Variants in ZBTB16 observed in about 807,000 individuals in gnomAD.
ZBTB16 encodes the protein zinc finger and BTB domain-containing protein 16.
In ZBTB16, 8 loss-of-function variants were observed where a neutral mutation model predicts 56.8. The ratio of observed to expected loss-of-function variants is 0.14; its 90% CI spans 0.08 to 0.25. The LOEUF is 0.25. Among genes scored for constraint, ZBTB16 ranks in the 10% least tolerant of loss-of-function variants. The probability of loss-of-function intolerance (pLI) is 1.00; values close to 1 mark genes in which losing one functional copy is unlikely to be tolerated. For missense variants in ZBTB16, 625 were observed against 903.0 expected, an observed-to-expected ratio of 0.69 and a Z score of 3.95; for synonymous variants, 363 against 368.5, an observed-to-expected ratio of 0.98 and a Z score of 0.17.
At chr11:114,211,124 T>G (rs1591786234) in intron 4 of ZBTB16, among the ~76,000 whole-genome samples, 1 of 152,118 alleles carries the variant, frequency 6.6e-6, no homozygotes, top group East Asian at 1.9e-4. Context: ...GTTTCACCAT[T>G]TTGGCCAGGC....
chr11:114,152,252 G>A (rs1334914624), intron 2 of ZBTB16, among the ~76,000 whole-genome samples: 1 of 152,190 alleles, frequency 6.6e-6, no homozygotes, highest in Non-Finnish European at 1.5e-5. Flanking sequence ...CCATTATGGA[G>A]TTTGCTCTCT....
chr11:114,102,111 G>C (rs1055914843), intron 2 of ZBTB16, among the ~76,000 whole-genome samples: 2 of 152,176 alleles, frequency 1.3e-5, no homozygotes, highest in African/African-American at 4.8e-5. Context: ...TGGTGGTTGG[G>C]ACGTCCTCAT....
At chr11:114,077,097 A>AGGGTTTTGTGTGTT (rs1408766321) in intron 2 of ZBTB16, among the ~76,000 whole-genome samples, 2 of 152,134 alleles carry the variant, frequency 1.3e-5, no homozygotes, top group Non-Finnish European at 1.5e-5. Context: ...GATATGGCCG[A>AGGGTTTTGTGTGTT]GGGTTTTGTG....
intron 2 of ZBTB16, among the ~76,000 whole-genome samples, chr11:114,153,334 A>G (rs1365402285): frequency 1.3e-5 from 2 of 152,222 alleles, no homozygotes; most frequent in Non-Finnish European, 2.9e-5. Flanking sequence ...CAGTGAGGAA[A>G]GACCTTTGCC....
At chr11:114,088,916 G>T (rs1591653829) in intron 2 of ZBTB16, among the ~76,000 whole-genome samples, 1 of 152,284 alleles carries the variant, frequency 6.6e-6, no homozygotes. Context: ...GTGGCCTGGG[G>T]GCCCCCCCAC....
intron 4 of ZBTB16, among the ~76,000 whole-genome samples, chr11:114,212,843 G>A (rs1284146258): frequency 2.0e-5 from 3 of 152,068 alleles, no homozygotes; most frequent in East Asian, 1.9e-4. Flanking sequence ...CCGTGCTCAC[G>A]TGTGCCGGAG....
intron 6 of ZBTB16, among the ~76,000 whole-genome samples, chr11:114,247,575 A>T (rs1337020297): frequency 1.3e-5 from 2 of 152,218 alleles, no homozygotes; most frequent in Non-Finnish European, 2.9e-5. Context: ...CAAGGCAGAC[A>T]TTACTAATCA....
At chr11:114,201,722 A>G (rs1412996674) in intron 4 of ZBTB16, among the ~76,000 whole-genome samples, 1 of 152,226 alleles carries the variant, frequency 6.6e-6, no homozygotes, top group Non-Finnish European at 1.5e-5. Flanking sequence ...CATATAAAAT[A>G]CTAAAGCCAC....
intron 2 of ZBTB16, among the ~76,000 whole-genome samples, chr11:114,073,563 C>T (rs969135214): frequency 5.9e-5 from 9 of 152,260 alleles, no homozygotes; most frequent in Admixed American, 1.3e-4. Flanking sequence ...TGGAAACTTC[C>T]GCTAAATACT....
chr11:114,217,515 C>T (rs545331377), intron 4 of ZBTB16, among the ~76,000 whole-genome samples: 1 of 152,226 alleles, frequency 6.6e-6, no homozygotes, highest in Admixed American at 6.5e-5. Flanking sequence ...GTGCTGACAG[C>T]TGAGATGGAG....
intron 4 of ZBTB16, among the ~76,000 whole-genome samples, chr11:114,235,634 CTT>C (rs1565701489): frequency 9.8e-5 from 2 of 20,486 alleles, no homozygotes; most frequent in African/African-American, 2.1e-4. Context: ...CCCTTCCTTT[CTT>C]TCTTTCTTTC....
At chr11:114,120,196 T>C (rs1265804629) in intron 2 of ZBTB16, among the ~76,000 whole-genome samples, 1 of 152,116 alleles carries the variant, frequency 6.6e-6, no homozygotes, top group Admixed American at 6.5e-5. Flanking sequence ...CCAGAGAGTA[T>C]CTTTCCATAC....
At chr11:114,072,449 C>T (rs537777448) in intron 2 of ZBTB16, among the ~76,000 whole-genome samples, 3 of 152,328 alleles carry the variant, frequency 2.0e-5, no homozygotes, top group African/African-American at 7.2e-5. Flanking sequence ...CAGGCGTGCA[C>T]ATCACTGTGC....
At chr11:114,225,389 C>T (rs985841978) in intron 4 of ZBTB16, among the ~76,000 whole-genome samples, 4 of 152,122 alleles carry the variant, frequency 2.6e-5, no homozygotes, top group African/African-American at 9.7e-5. Flanking sequence ...TTTTGTGCTG[C>T]TGTAGCAGAA....
chr11:114,134,238 G>A (rs1048070854), intron 2 of ZBTB16, among the ~76,000 whole-genome samples: 1 of 152,106 alleles, frequency 6.6e-6, no homozygotes, highest in African/African-American at 2.4e-5. Context: ...GTAGGTAAAG[G>A]GAAAAAATGA....
rs1939044846 is a variant in ZBTB16 at position 114,064,630 on chromosome 11, C to T, written c.1268+62C>T. On this transcript the variant is annotated intron_variant, in intron 2 of 6. Transcript: ENST00000335953. This position sits in a 1 kb window ranked among gnomAD's most constrained non-coding sequence, Gnocchi z 4.2. ...TTGAGGCCCTCACACCCCTCCTTCA[C>T]ACCCTGGCTGCTCCCAAGTTAGGGG... 3 of 1,589,626 alleles carry T rather than the reference C, an allele frequency of 1.9e-6. No homozygotes were observed. Among genetic ancestry groups the T allele is most frequent in the Admixed American group, 3.5e-5 (2 of 57,552 alleles).
chr11:114,122,932 A>G (rs777688532), intron 2 of ZBTB16, among the ~76,000 whole-genome samples: 1 of 152,202 alleles, frequency 6.6e-6, no homozygotes, highest in Non-Finnish European at 1.5e-5. Flanking sequence ...GGCTCAAACA[A>G]CAGAAATTTA....
chr11:114,108,684 G>A (rs998853343), intron 2 of ZBTB16, among the ~76,000 whole-genome samples: 2 of 152,196 alleles, frequency 1.3e-5, no homozygotes, highest in African/African-American at 4.8e-5. Context: ...TCTGAATGCA[G>A]CGATGGTACA....
intron 4 of ZBTB16, among the ~76,000 whole-genome samples, chr11:114,230,492 G>A (rs1182138857): frequency 6.6e-6 from 1 of 152,092 alleles, no homozygotes; most frequent in Non-Finnish European, 1.5e-5. Flanking sequence ...AGTACGGGAA[G>A]GCCGCATGGT....
Sources: allele counts gnomAD v4.1 joint callset (sites outside exome capture counted in the v4.1 genomes callset), GRCh38; gene constraint gnomAD v4.1.1; non-coding constraint Gnocchi (gnomAD v3.1); transcripts MANE v1.5; gene names NCBI Gene and HGNC (gene_info 2026-07-23, HGNC 2026-07-21).